Variants in NELL1 observed in about 807,000 individuals in gnomAD.
NELL1 encodes the protein neural EGFL like 1, also known as protein kinase C-binding protein NELL1.
Under a neutral mutation model 107.4 loss-of-function variants are expected in NELL1, and 76 were observed. The ratio of observed to expected loss-of-function variants is 0.71; its 90% confidence interval spans 0.59 to 0.86. NELL1 has a LOEUF of 0.86. Among genes scored for constraint, NELL1 ranks in the 40% least tolerant of loss-of-function variants. NELL1 has a pLI of 0.00. For synonymous variants in NELL1, 353 were observed against 341.2 expected (o/e 1.03, Z -0.38); for missense variants, 1,024 against 1,005.5 (o/e 1.02, Z -0.25).
Position 21,069,594 on chromosome 11 carries a change from G to A in NELL1, c.1301-43995G>A, listed in dbSNP as rs1853962314. 2.0e-5 allele frequency among the ~76,000 whole-genome samples: 3 copies of A among 152,156 alleles called. 1 individual carries two copies. In the South Asian group the frequency reaches 6.2e-4, roughly 32 times the overall value. On this transcript the variant is annotated intron_variant, in intron 12 of 19. Coordinates refer to ENST00000357134, the MANE Select transcript of NELL1 (RefSeq NM_006157.5). ...CTTTTGTGAAGCTGTTTGACCTGAT[G>A]TCATCTAATTAAAGCTACTCTTCCA...
At chr11:21,384,125 A>G (rs1168763154) in intron 15 of NELL1, among the ~76,000 whole-genome samples, 2 of 151,882 alleles carry the variant, frequency 1.3e-5, no homozygotes, top group Non-Finnish European at 2.9e-5. Context: ...CATCATCTCT[A>G]ATCTAGATGA....
chr11:21,404,681 A>C (rs1251197759), intron 15 of NELL1, among the ~76,000 whole-genome samples: 1 of 152,020 alleles, frequency 6.6e-6, no homozygotes, highest in African/African-American at 2.4e-5. Flanking sequence ...TAGAAATAAT[A>C]ATCATGAAAA....
At chr11:21,518,969 G>T (rs1375304308) in intron 15 of NELL1, among the ~76,000 whole-genome samples, 1 of 152,144 alleles carries the variant, frequency 6.6e-6, no homozygotes, top group East Asian at 1.9e-4. Flanking sequence ...CTGGCAATAT[G>T]TAGCTCCAGG....
chr11:21,444,106 TA>T (rs1188829674), intron 15 of NELL1, among the ~76,000 whole-genome samples: 1 of 152,144 alleles, frequency 6.6e-6, no homozygotes, highest in Admixed American at 6.5e-5. Context: ...CACCACATTT[TA>T]AAATTAAAAA....
At chr11:21,500,957 T>C (rs959068239) in intron 15 of NELL1, among the ~76,000 whole-genome samples, 3 of 152,170 alleles carry the variant, frequency 2.0e-5, no homozygotes, top group African/African-American at 7.2e-5. Flanking sequence ...TGTTCTGATA[T>C]CCAGAGTATT....
rs141126743 is a variant in NELL1, at chr11:21,515,220, T to C, written c.1646-19154T>C. Among the ~76,000 whole-genome samples, 325 of 152,358 alleles carry C rather than the reference T, an allele frequency of 2.1e-3. 1 individual carries two copies. The highest frequency in any genetic ancestry group is 7.6e-3 in the African/African-American group (317 of 41,578). ...ACAATCTGTAGACTTCTCTGACTGTTGTGCTTCTACTTCTTTCTGAAAATC... is the reference window on the plus strand; with the variant it reads ...ACAATCTGTAGACTTCTCTGACTGTCGTGCTTCTACTTCTTTCTGAAAATC... On this transcript the variant is annotated intron_variant, in intron 15 of 19. Coordinates refer to ENST00000357134, the MANE Select transcript of NELL1 (RefSeq NM_006157.5).
At chr11:21,058,546 T>C (rs1430074810) in intron 12 of NELL1, among the ~76,000 whole-genome samples, 1 of 152,116 alleles carries the variant, frequency 6.6e-6, no homozygotes, top group African/African-American at 2.4e-5. Flanking sequence ...TTATCTTGCT[T>C]GCAGAGTGAC....
intron 13 of NELL1, among the ~76,000 whole-genome samples, chr11:21,160,997 TTA>T (rs1491143838): frequency 2.0e-5 from 2 of 99,164 alleles, no homozygotes; most frequent in Non-Finnish European, 4.1e-5. Flanking sequence ...TTGCTAGCCT[TTA>T]TACACACACA....
intron 14 of NELL1, among the ~76,000 whole-genome samples, chr11:21,295,586 A>T (rs941720945): frequency 9.2e-5 from 14 of 152,058 alleles, no homozygotes; most frequent in African/African-American, 2.7e-4. Context: ...GTTCTGGGTC[A>T]TTACAGCAGT....
At chr11:21,559,307 T>A (rs1024458996) in intron 16 of NELL1, among the ~76,000 whole-genome samples, 2 of 152,136 alleles carry the variant, frequency 1.3e-5, no homozygotes, top group Non-Finnish European at 2.9e-5. Flanking sequence ...TCATCTCAAT[T>A]TAAGGGAGAC....
At chr11:21,372,550 G>T (rs1387553088) in intron 15 of NELL1, among the ~76,000 whole-genome samples, 1 of 151,786 alleles carries the variant, frequency 6.6e-6, no homozygotes, top group African/African-American at 2.4e-5. Context: ...GCAATTATTA[G>T]AACTGAGAAT....
At chr11:20,825,032 T>C (rs970503192) in intron 3 of NELL1, among the ~76,000 whole-genome samples, 2 of 151,318 alleles carry the variant, frequency 1.3e-5, no homozygotes, top group Non-Finnish European at 3.0e-5. Flanking sequence ...AATGGTTCCC[T>C]GAGCCAGGCC....
In NELL1 at chr11:20,897,523, T is replaced by C. The variant is rs1281247919; in HGVS notation, c.603+11983T>C. ...TAGGCATGGGCAAGGACTTCATGTC[T>C]AAAACACCAAAAGCAATGGCAACAA... On this transcript the variant is annotated intron_variant, in intron 5 of 19. Transcript: ENST00000357134. 3.3e-5 allele frequency among the ~76,000 whole-genome samples: 5 copies of C among 152,260 alleles called. No homozygotes were observed. The East Asian group carries it at 9.7e-4, about 29-fold the overall frequency.
chr11:20,757,526 C>A (rs1453173689), intron 2 of NELL1, among the ~76,000 whole-genome samples: 1 of 152,166 alleles, frequency 6.6e-6, no homozygotes, highest in Admixed American at 6.5e-5. Context: ...ATATACATAC[C>A]AGAGCATCTG....
chr11:21,012,129 C>A (rs1852460571), intron 12 of NELL1, among the ~76,000 whole-genome samples: 1 of 152,086 alleles, frequency 6.6e-6, no homozygotes. Context: ...CCAAGTTGAG[C>A]CCCACTGCAG....
Position 20,715,015 on chromosome 11 carries a change from G to A in NELL1, c.184+36955G>A, listed in dbSNP as rs186098149. Among the ~76,000 whole-genome samples the A allele has an allele frequency of 3.6e-4, 55 of 152,172 alleles. No homozygotes were observed. The East Asian group carries it at 9.9e-3, about 27-fold the overall frequency. On this transcript the variant is annotated intron_variant, in intron 2 of 19. Coordinates refer to ENST00000357134, the MANE Select transcript of NELL1 (RefSeq NM_006157.5). Reference sequence around the variant, plus strand: ...TCCCAGTACTTCGGGAGGCCAAGGCGGGCGGATCACGAGGTCAGGAGATCG... The same window carrying A: ...TCCCAGTACTTCGGGAGGCCAAGGCAGGCGGATCACGAGGTCAGGAGATCG...
At chr11:21,219,033 C>G (rs1329372839) in intron 13 of NELL1, among the ~76,000 whole-genome samples, 2 of 152,064 alleles carry the variant, frequency 1.3e-5, no homozygotes, top group Non-Finnish European at 2.9e-5. Context: ...CACAGTGGTT[C>G]TATTTTTAGT....
chr11:21,287,673 A>T (rs550571331), intron 14 of NELL1, among the ~76,000 whole-genome samples: 158 of 152,186 alleles, frequency 1.0e-3, no homozygotes, highest in African/African-American at 3.6e-3. Context: ...CATTAGATGA[A>T]TTTCTCCTCA....
intron 12 of NELL1, among the ~76,000 whole-genome samples, chr11:20,996,174 C>G (rs1043877743): frequency 6.6e-6 from 1 of 152,130 alleles, no homozygotes; most frequent in Non-Finnish European, 1.5e-5. Context: ...TAACTTAAAA[C>G]TGTTGTTTGG....
Sources: allele counts gnomAD v4.1 joint callset (sites outside exome capture counted in the v4.1 genomes callset), GRCh38; gene constraint gnomAD v4.1.1; transcripts MANE v1.5; gene names NCBI Gene and HGNC (gene_info 2026-07-23, HGNC 2026-07-21).